Variants in TEX15 observed in about 807,000 individuals in gnomAD.
TEX15 encodes the protein testis expressed 15, meiosis and synapsis associated, also known as testis-expressed protein 15.
Under a neutral mutation model 237.3 loss-of-function variants are expected in TEX15, and 171 were observed. The observed-to-expected ratio is 0.72, with a 90% CI of 0.64 to 0.82. The LOEUF is 0.82. Ranked by LOEUF, TEX15 falls within the 40% of genes least tolerant of loss-of-function variation. TEX15 has a pLI of 0.00. For missense variants in TEX15, 3,750 were observed against 3,646.5 expected (o/e 1.03, Z -0.73); for synonymous variants, 1,338 against 1,269.8 (o/e 1.05, Z -1.14).
intron 1 of TEX15, among the ~76,000 whole-genome samples, chr8:30,907,214 A>G (rs901115116): frequency 2.0e-5 from 3 of 152,142 alleles, no homozygotes; most frequent in African/African-American, 7.2e-5. Context: ...TGGTGCAATC[A>G]TGGCTCATTG....
At chr8:30,871,805 C>T (rs59285073) in intron 4 of TEX15, among the ~76,000 whole-genome samples, 8,120 of 152,074 alleles carry the variant, frequency 0.053, 684 homozygotes, top group African/African-American at 0.18. Context: ...GATGAAATGC[C>T]TTCATTTCCA....
chr8:30,837,514 C>G lies in TEX15; in HGVS notation c.8770G>C (p.Val2924Leu). The change falls in exon 10 of 11, where the codon GTA becomes CTA. Residue 2924 changes from valine to leucine, a missense_variant. Transcript: ENST00000643185. Reference sequence around the variant, plus strand: ...GAGGAATTTTTAATAGATGAATTTACTATATCATTATCTTGAAGTTCAAAG... The same window carrying G: ...GAGGAATTTTTAATAGATGAATTTAGTATATCATTATCTTGAAGTTCAAAG... ...TVFELQDNDI[V>L]NSSIKNSSCM... 1 of 1,613,024 alleles carries G rather than the reference C, an allele frequency of 6.2e-7. No individual in the cohort carries two copies. The highest frequency in any genetic ancestry group is 8.5e-7 in the Non-Finnish European group (1 of 1,179,186).
In TEX15 at chr8:30,842,455, T is replaced by C. The variant is rs377663159; in HGVS notation, c.7712A>G (p.Tyr2571Cys). ...FISTYIDFVPYIASINYGSTV... is the reference protein window; with the variant it reads ...FISTYIDFVPCIASINYGSTV... ...GCTTCCATAATTTATGGATGCTATA[T>C]ATGGCACAAAGTCAATATATGTGGA... Residue 2571 changes from tyrosine to cysteine, a missense_variant, in exon 8 of 11, where the codon TAT (tyrosine) becomes TGT (cysteine). Transcript: ENST00000643185. The C allele has an allele frequency of 3.7e-6, 6 of 1,613,454 alleles. No homozygotes were observed. The African/African-American group carries it at 5.3e-5, about 14-fold the overall frequency.
chr8:30,878,394 T>A (rs1251042820), intron 3 of TEX15, among the ~76,000 whole-genome samples: 1 of 152,114 alleles, frequency 6.6e-6, no homozygotes, highest in Non-Finnish European at 1.5e-5. Context: ...TTATTTATTT[T>A]ATTTTTGAGA....
intron 3 of TEX15, among the ~76,000 whole-genome samples, chr8:30,885,155 G>A (rs553434867): frequency 2.4e-4 from 36 of 152,016 alleles, no homozygotes; most frequent in African/African-American, 8.7e-4. Flanking sequence ...TATATCTAGT[G>A]TGGGCCCCCT....
rs1318852794 is a variant in TEX15 at position 30,832,288 on chromosome 8, A to C, written c.*998T>G. 6.6e-6 allele frequency: 1 copy of C among 152,260 alleles called. No homozygotes were observed. The highest frequency in any genetic ancestry group is 1.5e-5 in the Non-Finnish European group (1 of 68,038). 9.4% of individuals were successfully genotyped at this position (152,260 alleles called of 1,614,324 possible). ...GCTAGTTATTTGTTGTGATTCAGCC[A>C]AACCAATTCTCTTGTCACATTTTAG... On this transcript the variant is annotated 3_prime_UTR_variant, in exon 11 of 11. Coordinates refer to ENST00000643185, the MANE Select transcript of TEX15 (RefSeq NM_001350162.2).
chr8:30,867,561 A>G (rs1240611384), intron 4 of TEX15, 59 bp from the exon 5 acceptor site: 3 of 1,015,704 alleles, frequency 3.0e-6, no homozygotes, highest in Non-Finnish European at 4.4e-6. Context: ...ATTTTCAAGA[A>G]GATACATATT....
rs755648085 is a variant in TEX15, at chr8:30,842,000, ATACCTT to A, written c.8161_8163+3del. On this transcript the variant is annotated splice_donor_variant and splice_donor_region_variant and coding_sequence_variant and intron_variant, in exon 8 of 11. Transcript: ENST00000643185. LOFTEE classifies it high-confidence loss of function. ...ATAAAAGTTTTGTTTTAAAACATACATACCTTTAGCTTTTTACAACTGGAAACAGTA... is the reference window on the plus strand; with the variant it reads ...ATAAAAGTTTTGTTTTAAAACATACATAGCTTTTTACAACTGGAAACAGTA... 1 of 1,560,236 alleles carries A rather than the reference ATACCTT, an allele frequency of 6.4e-7. No individual in the cohort carries two copies. The highest frequency in any genetic ancestry group is 1.2e-5 in the South Asian group (1 of 81,006).
rs889743862 is a variant in TEX15, at chr8:30,900,460, T to C, written c.-85-1643A>G. On this transcript the variant is annotated intron_variant, in intron 1 of 10. Transcript: ENST00000643185. The stretch of plus-strand genomic sequence containing the variant: ...TTTAGCAACAATTATATGAGTAATA[T>C]GTGTATTTGAAAACTGATGACTGAT... 4.6e-5 allele frequency among the ~76,000 whole-genome samples: 7 copies of C among 152,338 alleles called. No individual in the cohort carries two copies. In the East Asian group the frequency reaches 1.3e-3, roughly 29 times the overall value.
intron 7 of TEX15, among the ~76,000 whole-genome samples, chr8:30,855,628 G>A (rs1396846256): frequency 6.6e-6 from 1 of 152,128 alleles, no homozygotes; most frequent in Non-Finnish European, 1.5e-5. Flanking sequence ...ATATATCCAT[G>A]TAAAAACTTG....
intron 9 of TEX15, among the ~76,000 whole-genome samples, chr8:30,838,785 TATATATATA>T (rs1807373443): frequency 1.8e-5 from 1 of 57,080 alleles, no homozygotes; most frequent in Non-Finnish European, 3.0e-5. Context: ...TATATATATA[TATATATATA>T]TATATATATA....
rs1472132282 is a variant in TEX15, at chr8:30,842,030, T to G, written c.8137A>C (p.Thr2713Pro). The G allele has an allele frequency of 6.2e-7, 1 of 1,600,768 alleles. No homozygotes were observed. The highest frequency in any genetic ancestry group is 8.5e-7 in the Non-Finnish European group (1 of 1,176,406). Residue 2713 changes from threonine to proline, a missense_variant, in exon 8 of 11, where the codon ACT (threonine) becomes CCT (proline). Coordinates refer to ENST00000643185, the MANE Select transcript of TEX15 (RefSeq NM_001350162.2). ...EDSQEQQQDT[T>P]VSSCKKLKVD... ...TTTAGCTTTTTACAACTGGAAACAG[T>G]AGTATCTTGCTGTTGTTCCTGAGAG...
rs757939663 is a variant in TEX15 at position 30,888,592 on chromosome 8, A to C, written c.-9-1281T>G. On this transcript the variant is annotated intron_variant, in intron 2 of 10. Coordinates refer to ENST00000643185, the MANE Select transcript of TEX15 (RefSeq NM_001350162.2). Reference sequence around the variant, plus strand: ...GCTGGATTTCAAAAGAAAGCTATGGAGTATACACACAGGGAAATATATATA... The same window carrying C: ...GCTGGATTTCAAAAGAAAGCTATGGCGTATACACACAGGGAAATATATATA... The C allele has an allele frequency of 3.1e-6, 4 of 1,282,078 alleles. No homozygotes were observed. The South Asian group carries it at 5.0e-5, about 16-fold the overall frequency. 79.4% of individuals were successfully genotyped at this position (1,282,078 alleles called of 1,614,324 possible). A position where few individuals can be genotyped will look rare whatever the true frequency, so the allele number is the denominator to read the frequency against.
chr8:30,903,228 T>C (rs969729566), intron 1 of TEX15, among the ~76,000 whole-genome samples: 6 of 152,334 alleles, frequency 3.9e-5, no homozygotes, highest in African/African-American at 1.4e-4. Context: ...GAGGATCCTG[T>C]ATCTATCTAA....
At position 30,845,146 on chromosome 8, in the gene TEX15, G is replaced by T. The variant is rs1056658672; in HGVS notation, c.5021C>A (p.Ser1674Tyr). 6.2e-7 allele frequency: 1 copy of T among 1,613,388 alleles called. No individual in the cohort carries two copies. Among genetic ancestry groups the T allele is most frequent in the African/African-American group, 1.3e-5 (1 of 74,990 alleles). The change falls in exon 8 of 11, where the codon TCT (serine) becomes TAT (tyrosine). Residue 1674 changes from serine (S) to tyrosine (Y), a missense_variant. Physicochemically the swap from Ser to Tyr is moderately radical, Grantham distance 144. Transcript: ENST00000643185. ...TACTTCCAGGTTTCTTTTACAATCA[G>T]ATAAAATAAGGTTACCTTGTTGGTA... ...DLYQQGNLIL[S>Y]DCKRNLEVKW...
chr8:30,843,137 C>A lies in TEX15; in HGVS notation c.7030G>T (p.Asp2344Tyr). ...ATTGTTGCTTCGTTTATTGGATGAT[C>A]TGACTTTCTGGAAGCAATTATAGTA... is the stretch of plus-strand genomic sequence containing the variant. The part of the protein sequence containing the change: ...EDTIIASRKS[D>Y]HPINEATISI... Residue 2344 changes from aspartate (D) to tyrosine (Y), a missense_variant, in exon 8 of 11, where the codon GAT (aspartate) becomes TAT (tyrosine). Coordinates refer to ENST00000643185, the MANE Select transcript of TEX15 (RefSeq NM_001350162.2). 1.9e-6 allele frequency: 3 copies of A among 1,612,946 alleles called. No individual in the cohort carries two copies. The highest frequency in any genetic ancestry group is 1.1e-5 in the South Asian group (1 of 90,832).
chr8:30,872,590 T>C (rs947268840), intron 4 of TEX15, among the ~76,000 whole-genome samples: 7 of 152,070 alleles, frequency 4.6e-5, no homozygotes, highest in Non-Finnish European at 2.9e-5. Context: ...ATTGTTATCA[T>C]AGAAGATGAC....
chr8:30,866,624 T>C (rs562606852), intron 5 of TEX15, among the ~76,000 whole-genome samples: 1 of 152,086 alleles, frequency 6.6e-6, no homozygotes, highest in African/African-American at 2.4e-5. Context: ...AATGGATACT[T>C]CTTATTCCAG....
At chr8:30,896,330 A>T (rs1392963074) in intron 2 of TEX15, among the ~76,000 whole-genome samples, 1 of 152,204 alleles carries the variant, frequency 6.6e-6, no homozygotes, top group East Asian at 1.9e-4. Context: ...ATTAGGACGT[A>T]GGCCATTTTT....
Sources: allele counts gnomAD v4.1 joint callset (sites outside exome capture counted in the v4.1 genomes callset), GRCh38; gene constraint gnomAD v4.1.1; transcripts MANE v1.5; gene names NCBI Gene and HGNC (gene_info 2026-07-23, HGNC 2026-07-21).